The following SIPA1L2 variants were observed in gnomAD, a reference collection of about 807,000 sequenced individuals.
SIPA1L2 encodes the protein signal induced proliferation associated 1 like 2.
Under a neutral mutation model 163.9 loss-of-function variants are expected in SIPA1L2, and 56 were observed. That is an observed-to-expected ratio of 0.34 (90% CI 0.28 to 0.43). The LOEUF is 0.43. Among genes scored for constraint, SIPA1L2 ranks in the 20% least tolerant of loss-of-function variants. The pLI is 1.00. For missense variants in SIPA1L2, 1,974 were observed against 2,193.5 expected, an observed-to-expected ratio of 0.90 and a Z score of 2.00; for synonymous variants, 877 against 865.7, an observed-to-expected ratio of 1.01 and a Z score of -0.23.
chr1:232,586,294 T>C (rs75062229), intron 1 of SIPA1L2, among the ~76,000 whole-genome samples: 7,546 of 152,234 alleles, frequency 0.05, 845 homozygotes, highest in East Asian at 0.48. Context: ...ATGTCTAGGT[T>C]TCACACATCC....
chr1:232,492,635 G>A (rs1665989870), intron 4 of SIPA1L2, among the ~76,000 whole-genome samples: 1 of 152,214 alleles, frequency 6.6e-6, no homozygotes, highest in Non-Finnish European at 1.5e-5. Context: ...GGTCCTCAAT[G>A]TAACAAAGCG....
At chr1:232,531,887 G>C (rs1283683579) in intron 2 of SIPA1L2, among the ~76,000 whole-genome samples, 1 of 152,050 alleles carries the variant, frequency 6.6e-6, no homozygotes, top group Admixed American at 6.6e-5. Flanking sequence ...AGGAGGGGAA[G>C]GAGCTCCAAT....
chr1:232,455,220 C>T (rs1252689088), intron 10 of SIPA1L2, among the ~76,000 whole-genome samples: 4 of 152,152 alleles, frequency 2.6e-5, no homozygotes, highest in East Asian at 1.9e-4. Flanking sequence ...AATACTGGAG[C>T]GTCCATAAGA....
intron 1 of SIPA1L2, among the ~76,000 whole-genome samples, chr1:232,577,225 C>T (rs1183723980): frequency 6.6e-6 from 1 of 152,166 alleles, no homozygotes; most frequent in African/African-American, 2.4e-5. Flanking sequence ...ATCATTGGAA[C>T]AACAAAGCCT....
intron 2 of SIPA1L2, among the ~76,000 whole-genome samples, chr1:232,570,313 T>C (rs576457281): frequency 2.0e-5 from 3 of 152,256 alleles, no homozygotes; most frequent in South Asian, 2.1e-4. Flanking sequence ...ACTTCGCCAA[T>C]GGGAAAATGA....
At chr1:232,432,493 A>G (rs1662305333) in intron 15 of SIPA1L2, 22 bp from the exon 16 acceptor site, 1 of 1,602,226 alleles carries the variant, frequency 6.2e-7, no homozygotes. Flanking sequence ...AACAGACAAA[A>G]GCTGCAATAC....
At chr1:232,477,723 AT>A (rs2102962582) in intron 7 of SIPA1L2, among the ~76,000 whole-genome samples, 1 of 152,318 alleles carries the variant, frequency 6.6e-6, no homozygotes, top group East Asian at 1.9e-4. Context: ...AGTCAGGTAC[AT>A]AAAACTCGAA....
At chr1:232,426,082 T>C (rs538685178) in intron 17 of SIPA1L2, among the ~76,000 whole-genome samples, 1 of 152,340 alleles carries the variant, frequency 6.6e-6, no homozygotes, top group South Asian at 2.1e-4. Flanking sequence ...TCTGAAATGT[T>C]AAATAAAACC....
intron 1 of SIPA1L2, among the ~76,000 whole-genome samples, chr1:232,577,013 T>A (rs1478706664): frequency 2.0e-5 from 3 of 152,200 alleles, no homozygotes; most frequent in Admixed American, 2.0e-4. Flanking sequence ...TCAAACAGCC[T>A]TCTATTAGAA....
chr1:232,404,089 G>T, intron 20 of SIPA1L2, 36 bp downstream of exon 20: 1 of 1,611,410 alleles, frequency 6.2e-7, no homozygotes, highest in Non-Finnish European at 8.5e-7. Flanking sequence ...AAGGTTACAG[G>T]ATATCAGGAG....
intron 10 of SIPA1L2, among the ~76,000 whole-genome samples, chr1:232,451,116 C>T (rs922218060): frequency 6.6e-6 from 1 of 152,136 alleles, no homozygotes; most frequent in Non-Finnish European, 1.5e-5. Context: ...TTGTTTACTT[C>T]TATGACTAAG....
At chr1:232,552,103 G>A (rs141472482) in intron 2 of SIPA1L2, among the ~76,000 whole-genome samples, 2 of 152,254 alleles carry the variant, frequency 1.3e-5, no homozygotes, top group African/African-American at 2.4e-5. Flanking sequence ...GCCTCCCAAA[G>A]TGCTGGGATT....
intron 2 of SIPA1L2, among the ~76,000 whole-genome samples, chr1:232,538,886 G>A (rs1308413507): frequency 1.3e-5 from 2 of 152,150 alleles, no homozygotes; most frequent in Admixed American, 6.5e-5. Flanking sequence ...ATCTAAACCT[G>A]CAAGCGTATA....
intron 1 of SIPA1L2, among the ~76,000 whole-genome samples, chr1:232,608,003 C>T (rs1462729713): frequency 7.0e-6 from 1 of 141,968 alleles, no homozygotes; most frequent in Non-Finnish European, 1.5e-5. Context: ...TGCGGTGAGC[C>T]GAGATCGCAC....
chr1:232,595,556 C>A (rs1344447691), intron 1 of SIPA1L2, among the ~76,000 whole-genome samples: 4 of 151,062 alleles, frequency 2.6e-5, no homozygotes, highest in African/African-American at 9.8e-5. Flanking sequence ...ACGTTCCCCC[C>A]AGCACACTAA....
At chr1:232,493,764 T>C in intron 3 of SIPA1L2, 104 bp from the exon 4 acceptor site, 2 of 1,405,116 alleles carry the variant, frequency 1.4e-6, no homozygotes, top group South Asian at 1.3e-5. Context: ...AAATACCACA[T>C]AGCTCATACA....
At chr1:232,512,783 T>C (rs1200873691) in intron 3 of SIPA1L2, among the ~76,000 whole-genome samples, 3 of 152,102 alleles carry the variant, frequency 2.0e-5, no homozygotes, top group Non-Finnish European at 2.9e-5. Context: ...GTTCAGAACA[T>C]GTATCCCAGA....
chr1:232,433,234 A>G (rs1454089893), intron 15 of SIPA1L2, among the ~76,000 whole-genome samples: 1 of 152,252 alleles, frequency 6.6e-6, no homozygotes, highest in African/African-American at 2.4e-5. Flanking sequence ...GACTGAGGCT[A>G]CAGACGACTT....
intron 2 of SIPA1L2, among the ~76,000 whole-genome samples, chr1:232,526,692 C>T (rs973976926): frequency 5.3e-5 from 8 of 152,194 alleles, no homozygotes; most frequent in African/African-American, 1.9e-4. Flanking sequence ...GTGACACATG[C>T]CCTGCCCTGA....
Sources: allele counts gnomAD v4.1 joint callset (sites outside exome capture counted in the v4.1 genomes callset), GRCh38; gene constraint gnomAD v4.1.1; transcripts MANE v1.5; gene names NCBI Gene and HGNC (gene_info 2026-07-23, HGNC 2026-07-21).